The following LHX9 variants were observed in gnomAD, a reference collection of about 807,000 sequenced individuals.
LHX9 encodes LIM/homeobox protein Lhx9.
In LHX9, 9 loss-of-function variants were observed where a neutral mutation model predicts 36.5. That is an observed-to-expected ratio of 0.25 (90% CI 0.15 to 0.43). LHX9 has a LOEUF of 0.43. Among genes scored for constraint, LHX9 ranks in the 20% least tolerant of loss-of-function variants. LHX9 has a pLI of 1.00. For missense variants in LHX9, 464 were observed against 526.4 expected, an observed-to-expected ratio of 0.88 and a Z score of 1.16; for synonymous variants, 211 against 212.1, an observed-to-expected ratio of 0.99 and a Z score of 0.04.
In LHX9 at chr1:197,925,047, CTATT is replaced by C. The variant is rs1660102742; in HGVS notation, c.734-2543_734-2540del. On this transcript the variant is annotated intron_variant, in intron 3 of 4. Coordinates refer to ENST00000367387, the MANE Select transcript of LHX9 (RefSeq NM_020204.3). ...TACTCTGTAGAAGAAATAGCTTTCT[CTATT>C]AAGTTGCATAATATGAGATAACAGT... Among the ~76,000 whole-genome samples, 2 of 111,392 alleles carry C rather than the reference CTATT, an allele frequency of 1.8e-5. 1 individual carries two copies. Among genetic ancestry groups the C allele is most frequent in the African/African-American group, 7.0e-5 (2 of 28,596 alleles). 73.1% of individuals were successfully genotyped at this position (111,392 alleles called of 152,430 possible).
chr1:197,915,498 T>C (rs115253532), upstream of LHX9, among the ~76,000 whole-genome samples: 1,481 of 152,296 alleles, frequency 9.7e-3, 29 homozygotes, highest in African/African-American at 0.033. Context: ...TTACATTACT[T>C]ACAGTAAATA....
Position 197,921,186 on chromosome 1 carries a change from C to G in LHX9, c.378-118C>G, listed in dbSNP as rs1169763610. On this transcript the variant is annotated intron_variant, in intron 2 of 4. Coordinates refer to ENST00000367387, the MANE Select transcript of LHX9 (RefSeq NM_020204.3). The surrounding 1 kb of genome is among the most constrained non-coding windows in gnomAD (Gnocchi z 4.6). ...AAAATTAATGCCTACTCTCCTGTCC[C>G]CCTGGAACCCTCCCAGGTCCCAGTC... is the stretch of plus-strand genomic sequence containing the variant. 1 of 712,504 alleles carries G rather than the reference C, an allele frequency of 1.4e-6. No individual in the cohort carries two copies. The highest frequency in any genetic ancestry group is 2.3e-6 in the Non-Finnish European group (1 of 434,058). 44.1% of individuals were successfully genotyped at this position (712,504 alleles called of 1,614,324 possible). A position where few individuals can be genotyped will look rare whatever the true frequency, so the allele number is the denominator to read the frequency against.
At position 197,917,617 on chromosome 1, in the gene LHX9, C is replaced by G; in HGVS notation, c.-207C>G. ...TTTCTGCACATCTCCTTCAGGGAGC[C>G]GCTGAGGCTTCCCCCCAACTCTTCC... is the stretch of plus-strand genomic sequence containing the variant. On this transcript the variant is annotated 5_prime_UTR_variant, in exon 1 of 5. Coordinates refer to ENST00000367387, the MANE Select transcript of LHX9 (RefSeq NM_020204.3). 6.6e-7 allele frequency: 1 copy of G among 1,510,714 alleles called. No homozygotes were observed. The highest frequency in any genetic ancestry group is 1.3e-5 in the South Asian group (1 of 78,366). 93.6% of individuals were successfully genotyped at this position (1,510,714 alleles called of 1,614,324 possible). A position where few individuals can be genotyped will look rare whatever the true frequency, so the allele number is the denominator to read the frequency against.
rs971820635 is a variant in LHX9, at chr1:197,931,955, C to T, written c.*2696C>T. 3.9e-6 allele frequency: 6 copies of T among 1,547,006 alleles called. No individual in the cohort carries two copies. In the African/African-American group the frequency reaches 5.5e-5, roughly 14 times the overall value. ...CTTGGGGCATTACAGCCAAACATCCCGACGTTTGAAAATTCCCTAAAGTAT... is the reference window on the plus strand; with the variant it reads ...CTTGGGGCATTACAGCCAAACATCCTGACGTTTGAAAATTCCCTAAAGTAT... On this transcript the variant is annotated 3_prime_UTR_variant, in exon 5 of 5. Coordinates refer to ENST00000367387, the MANE Select transcript of LHX9 (RefSeq NM_020204.3).
At chr1:197,916,437 G>T, upstream of LHX9, 2 of 549,436 alleles carry the variant, frequency 3.6e-6, no homozygotes, top group South Asian at 2.2e-5. Flanking sequence ...TGGGGCTAGC[G>T]CCCAGTCCTG....
In LHX9 at chr1:197,931,749, G is replaced by T. The variant is rs1660332957; in HGVS notation, c.*2490G>T. 1 of 499,052 alleles carries T rather than the reference G, an allele frequency of 2.0e-6. No individual in the cohort carries two copies. Among genetic ancestry groups the T allele is most frequent in the Non-Finnish European group, 3.7e-6 (1 of 273,658 alleles). The allele number at this position is 499,052 out of a possible 1,614,324, so 30.9% of individuals were successfully genotyped here. On this transcript the variant is annotated 3_prime_UTR_variant, in exon 5 of 5. Transcript: ENST00000367387. ...TCAGTCCAATTTTTAGAATAAAAAG[G>T]CTAATTAGCATATAAAGTAATTGCA...
At chr1:197,915,945 C>T (rs1216433726), upstream of LHX9, 1 of 152,076 alleles carries the variant, frequency 6.6e-6, no homozygotes, top group African/African-American at 2.4e-5. Flanking sequence ...CGGGCTCCCC[C>T]GGGCGGAGGG....
intron 2 of LHX9, 78 bp downstream of exon 2, chr1:197,920,252 C>A: frequency 1.4e-6 from 2 of 1,382,560 alleles, no homozygotes; most frequent in Non-Finnish European, 2.0e-6. Flanking sequence ...ATCCCCTCTC[C>A]GTCCCCTACC....
rs1419598102 is a variant in LHX9, at chr1:197,933,663, CAG to C, written c.*4409_*4410del. ...TGGTATGTGAAATGCAGGAAGAGAC[CAG>C]AGAGGGAAAGAACATAACTGAAATT... On this transcript the variant is annotated 3_prime_UTR_variant, in exon 5 of 5. Transcript: ENST00000367387. The C allele has an allele frequency of 7.0e-6, 1 of 143,392 alleles. No individual in the cohort carries two copies. The highest frequency in any genetic ancestry group is 7.2e-5 in the Admixed American group (1 of 13,946). The allele number at this position is 143,392 out of a possible 1,614,324, so 8.9% of individuals were successfully genotyped here. A position where few individuals can be genotyped will look rare whatever the true frequency, so the allele number is the denominator to read the frequency against.
intron 3 of LHX9, among the ~76,000 whole-genome samples, chr1:197,923,333 G>A (rs1660046236): frequency 6.6e-6 from 1 of 152,346 alleles, no homozygotes; most frequent in Admixed American, 6.5e-5. Context: ...GGCCCCTGCT[G>A]TGCTGGGGCA....
chr1:197,920,593 G>T (rs927238848), intron 2 of LHX9, among the ~76,000 whole-genome samples: 1 of 152,102 alleles, frequency 6.6e-6, no homozygotes, highest in African/African-American at 2.4e-5. Context: ...TTAGGTTTTC[G>T]TAGGTGGCAG....
At chr1:197,926,962 T>C (rs1248343716) in intron 3 of LHX9, among the ~76,000 whole-genome samples, 2 of 152,192 alleles carry the variant, frequency 1.3e-5, no homozygotes, top group Admixed American at 6.5e-5. Context: ...TTTGAATTTC[T>C]AACTTCTCCT....
In LHX9 at chr1:197,931,821, G is replaced by A. The variant is rs1660334343; in HGVS notation, c.*2562G>A. On this transcript the variant is annotated 3_prime_UTR_variant, in exon 5 of 5. Transcript: ENST00000367387. Reference sequence around the variant, plus strand: ...ATTAAGATTTCATGTTAGGTCTATTGAGCACAAATGGATATTTGTAAATCT... The same window carrying A: ...ATTAAGATTTCATGTTAGGTCTATTAAGCACAAATGGATATTTGTAAATCT... 5.1e-6 allele frequency: 4 copies of A among 791,134 alleles called. No individual in the cohort carries two copies. The African/African-American group carries it at 6.9e-5, about 14-fold the overall frequency. The allele number at this position is 791,134 out of a possible 1,614,324, so 49.0% of individuals were successfully genotyped here.
chr1:197,913,530 A>T (rs1475075874), upstream of LHX9, among the ~76,000 whole-genome samples: 1 of 152,168 alleles, frequency 6.6e-6, no homozygotes, highest in Non-Finnish European at 1.5e-5. Context: ...CACATGGAGT[A>T]TCTCAGTCTC....
At chr1:197,916,533 C>T, upstream of LHX9, 2 of 614,962 alleles carry the variant, frequency 3.3e-6, no homozygotes, top group Non-Finnish European at 2.9e-6. Context: ...TCTCCGGCAA[C>T]CTTCCTTCAA....
chr1:197,927,665 A>G lies in LHX9; in HGVS notation c.808A>G (p.Met270Val), dbSNP rs1364963667. 1 of 1,614,074 alleles carries G rather than the reference A, an allele frequency of 6.2e-7. No homozygotes were observed. The change falls in exon 4 of 5, where the codon ATG becomes GTG. Residue 270 changes from methionine to valine, a missense_variant. Around this residue, in one of 5 missense-constraint regions of LHX9, gnomAD observed 130 missense variants for 109.6 expected, o/e 1.19. Coordinates refer to ENST00000367387, the MANE Select transcript of LHX9 (RefSeq NM_020204.3). ...TCCACCCTCGCAGAAGACCAAGCGC[A>G]TGCGAACCTCTTTCAAGCATCACCA... is the stretch of plus-strand genomic sequence containing the variant. ...PYPPSQKTKRMRTSFKHHQLR... is the reference protein window; with the variant it reads ...PYPPSQKTKRVRTSFKHHQLR...
upstream of LHX9, among the ~76,000 whole-genome samples, chr1:197,916,966 C>T (rs566444099): frequency 6.6e-6 from 1 of 152,314 alleles, no homozygotes; most frequent in Admixed American, 6.5e-5. Context: ...TCTCTGTGTC[C>T]TGAGCCAAGG....
chr1:197,932,323 A>G lies in LHX9; in HGVS notation c.*3064A>G, dbSNP rs909085441. ...TTGTAAAATAAAGTCCAAAACATTC[A>G]TTTCACCTGCTTGCTAATGTGTATT... On this transcript the variant is annotated 3_prime_UTR_variant, in exon 5 of 5. Coordinates refer to ENST00000367387, the MANE Select transcript of LHX9 (RefSeq NM_020204.3). 8.2e-5 allele frequency: 16 copies of G among 194,224 alleles called. No individual in the cohort carries two copies. The highest frequency in any genetic ancestry group is 3.0e-4 in the African/African-American group (13 of 43,074). The allele number at this position is 194,224 out of a possible 1,614,324, so 12.0% of individuals were successfully genotyped here.
upstream of LHX9, among the ~76,000 whole-genome samples, chr1:197,915,211 A>G (rs1366888055): frequency 6.6e-6 from 1 of 152,232 alleles, no homozygotes; most frequent in Non-Finnish European, 1.5e-5. Flanking sequence ...GAAACTAGAC[A>G]AAGTAGGTTG....
Sources: gnomAD v4.1 joint callset for allele counts (sites outside exome capture counted in the v4.1 genomes callset) on GRCh38, gnomAD v4.1.1 for gene constraint, gnomAD v4.1.1 regional missense constraint, Gnocchi (gnomAD v3.1) non-coding constraint, MANE v1.5 for transcripts, NCBI Gene and HGNC (gene_info 2026-07-23, HGNC 2026-07-21) for gene names.